Variants in ADAMTSL1 observed in about 807,000 individuals in gnomAD.
The protein encoded by ADAMTSL1 is ADAMTS-like protein 1.
Under a neutral mutation model 201.8 loss-of-function variants are expected in ADAMTSL1, and 126 were observed. The observed-to-expected ratio is 0.62, with a 90% CI of 0.54 to 0.72. ADAMTSL1 has a LOEUF of 0.72. Among genes scored for constraint, ADAMTSL1 ranks in the 30% least tolerant of loss-of-function variants. ADAMTSL1 has a pLI of 0.00. For missense variants in ADAMTSL1, 2,679 were observed against 2,277.8 expected (o/e 1.18, Z -3.59); for synonymous variants, 1,121 against 903.4 (o/e 1.24, Z -4.32).
intron 7 of ADAMTSL1, among the ~76,000 whole-genome samples, chr9:18,642,401 T>C (rs1271348308): frequency 1.3e-5 from 2 of 152,084 alleles, no homozygotes; most frequent in Admixed American, 6.6e-5. Context: ...AATTAACATA[T>C]GTGTTACTTC....
At chr9:18,334,390 C>CA (rs749872585) in intron 2 of ADAMTSL1, among the ~76,000 whole-genome samples, 2 of 152,116 alleles carry the variant, frequency 1.3e-5, no homozygotes, top group Non-Finnish European at 2.9e-5. Flanking sequence ...TGCACACATG[C>CA]AAGAGATTAG....
intron 1 of ADAMTSL1, among the ~76,000 whole-genome samples, chr9:18,060,499 T>A (rs1822400819): frequency 6.6e-6 from 1 of 152,198 alleles, no homozygotes; most frequent in African/African-American, 2.4e-5. Context: ...GCTTCTGACA[T>A]GTTGGGCAAG....
chr9:18,015,385 C>T (rs1022232797), intron 1 of ADAMTSL1, among the ~76,000 whole-genome samples: 1 of 152,040 alleles, frequency 6.6e-6, no homozygotes, highest in African/African-American at 2.4e-5. Context: ...AAAATTTAGC[C>T]TCTAGCTATT....
intron 4 of ADAMTSL1, 38 bp from the exon 5 acceptor site, chr9:18,622,205 G>C (rs752161448): frequency 4.6e-5 from 74 of 1,604,888 alleles, no homozygotes; most frequent in Non-Finnish European, 6.0e-5. Flanking sequence ...GCCATCGGTA[G>C]GTGCTTGGTT....
chr9:18,083,113 G>T (rs914558392), intron 1 of ADAMTSL1, among the ~76,000 whole-genome samples: 1 of 152,160 alleles, frequency 6.6e-6, no homozygotes, highest in Non-Finnish European at 1.5e-5. Flanking sequence ...GAGACAAAAA[G>T]ACTTTTTATT....
chr9:18,335,181 A>G (rs1470335067), intron 2 of ADAMTSL1, among the ~76,000 whole-genome samples: 6 of 152,194 alleles, frequency 3.9e-5, no homozygotes, highest in African/African-American at 1.4e-4. Context: ...TTCTGGTAGA[A>G]AACAGGCAAC....
chr9:18,702,432 C>T (rs1218247020), intron 13 of ADAMTSL1, among the ~76,000 whole-genome samples: 1 of 152,118 alleles, frequency 6.6e-6, no homozygotes, highest in Non-Finnish European at 1.5e-5. Flanking sequence ...CTATACTAGT[C>T]ACTAATGAAC....
intron 20 of ADAMTSL1, among the ~76,000 whole-genome samples, chr9:18,812,674 G>T (rs1304301935): frequency 1.3e-5 from 2 of 151,982 alleles, no homozygotes; most frequent in Non-Finnish European, 2.9e-5. Context: ...TTATCATTTT[G>T]GGTCTTACAT....
intron 1 of ADAMTSL1, among the ~76,000 whole-genome samples, chr9:18,032,074 G>A (rs965301534): frequency 1.3e-5 from 2 of 152,206 alleles, no homozygotes; most frequent in Non-Finnish European, 2.9e-5. Context: ...TTTGTACCAA[G>A]CCTTCTTGTG....
At position 18,149,497 on chromosome 9, in the gene ADAMTSL1, G is replaced by C. The variant is rs77280341; in HGVS notation, c.88-14365G>C. 5.4e-3 allele frequency among the ~76,000 whole-genome samples: 821 copies of C among 152,190 alleles called. 14 individuals are homozygous for C. Among genetic ancestry groups the C allele is most frequent in the African/African-American group, 0.019 (771 of 41,552 alleles). On this transcript the variant is annotated intron_variant, in intron 1 of 29. Coordinates refer to the ADAMTSL1 transcript ENST00000680146. ...AAAGTGGTACAATTTAGTACCACTT[G>C]CTACTGCAGTGGTTTCTGGAGCACA...
chr9:18,779,034 T>C (rs1372540303), intron 19 of ADAMTSL1, among the ~76,000 whole-genome samples: 2 of 152,252 alleles, frequency 1.3e-5, no homozygotes, highest in Admixed American at 1.3e-4. Flanking sequence ...GAAGCCAGCA[T>C]TTATTGTTCC....
At chr9:18,670,611 A>G (rs1218002912) in intron 9 of ADAMTSL1, among the ~76,000 whole-genome samples, 2 of 152,172 alleles carry the variant, frequency 1.3e-5, no homozygotes, top group Non-Finnish European at 2.9e-5. Flanking sequence ...AGCTTTTAAA[A>G]ACTTGTTTTT....
intron 14 of ADAMTSL1, among the ~76,000 whole-genome samples, chr9:18,717,159 G>C (rs28631522): frequency 2.0e-5 from 3 of 149,272 alleles, no homozygotes; most frequent in Admixed American, 2.0e-4. Flanking sequence ...TGGGTACAGC[G>C]CACCAGCATG....
intron 2 of ADAMTSL1, among the ~76,000 whole-genome samples, chr9:18,530,723 GCA>G (rs2132091194): frequency 6.6e-6 from 1 of 152,136 alleles, no homozygotes; most frequent in African/African-American, 2.4e-5. Context: ...TGTGTCCTAG[GCA>G]CAGTCTGAAG....
chr9:18,614,188 G>A (rs1165584067), intron 4 of ADAMTSL1, among the ~76,000 whole-genome samples: 1 of 152,192 alleles, frequency 6.6e-6, no homozygotes, highest in East Asian at 1.9e-4. Flanking sequence ...AGGGTCTGGT[G>A]AACCTGCAAG....
intron 1 of ADAMTSL1, among the ~76,000 whole-genome samples, chr9:18,012,977 CCATTTACTTACCAG>C (rs1820113849): frequency 6.7e-6 from 1 of 148,382 alleles, no homozygotes; most frequent in Non-Finnish European, 1.5e-5. Flanking sequence ...TTCTTACCCA[CCATTTACTTACCAG>C]CATTTTTTTT....
At chr9:18,498,574 C>T (rs1822657849) in intron 1 of ADAMTSL1, among the ~76,000 whole-genome samples, 1 of 152,092 alleles carries the variant, frequency 6.6e-6, no homozygotes, top group South Asian at 2.1e-4. Flanking sequence ...TTGCCCTCAG[C>T]TGATCCGCCC....
chr9:18,725,275 C>A (rs1028410467), intron 15 of ADAMTSL1, among the ~76,000 whole-genome samples: 2 of 152,114 alleles, frequency 1.3e-5, no homozygotes, highest in African/African-American at 4.8e-5. Context: ...CAAGGACAAG[C>A]TTTAATAGAA....
At chr9:18,422,590 C>T (rs1465314825) in intron 2 of ADAMTSL1, among the ~76,000 whole-genome samples, 1 of 152,130 alleles carries the variant, frequency 6.6e-6, no homozygotes, top group Non-Finnish European at 1.5e-5. Context: ...CTGTGTGCCC[C>T]TGCATGCCTC....
Sources: gnomAD v4.1 joint callset for allele counts (sites outside exome capture counted in the v4.1 genomes callset) on GRCh38, gnomAD v4.1.1 for gene constraint, MANE v1.5 for transcripts, NCBI Gene and HGNC (gene_info 2026-07-23, HGNC 2026-07-21) for gene names.